DCC: variants seen among roughly 807,000 people sequenced by gnomAD.
DCC encodes the protein DCC netrin 1 receptor, also known as netrin receptor DCC.
Under a neutral mutation model 172.5 loss-of-function variants are expected in DCC, and 58 were observed. The ratio of observed to expected loss-of-function variants is 0.34; its 90% confidence interval spans 0.27 to 0.42. The LOEUF (loss-of-function observed/expected upper bound fraction) is 0.42, where lower values mean the gene tolerates loss of function less well. Among genes scored for constraint, DCC ranks in the 10% least tolerant of loss-of-function variants. DCC has a pLI of 1.00. For missense variants in DCC, 1,740 were observed against 1,791.0 expected, an observed-to-expected ratio of 0.97 and a Z score of 0.51; for synonymous variants, 709 against 644.5, an observed-to-expected ratio of 1.10 and a Z score of -1.52.
At chr18:53,271,954 C>A (rs987925596) in intron 12 of DCC, among the ~76,000 whole-genome samples, 2 of 152,156 alleles carry the variant, frequency 1.3e-5, no homozygotes, top group Non-Finnish European at 2.9e-5. Flanking sequence ...TTTAAAGCTT[C>A]TTTTTAGGAA....
chr18:52,789,292 G>GT (rs542536336), intron 2 of DCC, among the ~76,000 whole-genome samples: 23 of 152,126 alleles, frequency 1.5e-4, no homozygotes, highest in Middle Eastern at 3.4e-3. Context: ...TGTCACCTCT[G>GT]TTTTTTTCCC....
At chr18:53,170,317 A>G (rs989740500) in intron 8 of DCC, among the ~76,000 whole-genome samples, 4 of 152,192 alleles carry the variant, frequency 2.6e-5, no homozygotes, top group Admixed American at 2.6e-4. Context: ...GCCCTTTAAA[A>G]ATGAATATTT....
intron 9 of DCC, among the ~76,000 whole-genome samples, chr18:53,182,968 T>C (rs1306681001): frequency 6.6e-6 from 1 of 152,164 alleles, no homozygotes; most frequent in African/African-American, 2.4e-5. Flanking sequence ...ATATTTCTTT[T>C]CTGACAAAAT....
chr18:52,370,457 G>T (rs1356530212), intron 1 of DCC, among the ~76,000 whole-genome samples: 1 of 152,120 alleles, frequency 6.6e-6, no homozygotes, highest in Non-Finnish European at 1.5e-5. Context: ...GCAAACTAAT[G>T]CAGGAACAGG....
intron 23 of DCC, among the ~76,000 whole-genome samples, chr18:53,456,944 G>T (rs1048751139): frequency 6.6e-6 from 1 of 152,192 alleles, no homozygotes; most frequent in Non-Finnish European, 1.5e-5. Flanking sequence ...TGTGGTAGAG[G>T]TTGGAGGGAC....
At chr18:52,504,270 G>T (rs2031141034) in intron 1 of DCC, among the ~76,000 whole-genome samples, 1 of 152,100 alleles carries the variant, frequency 6.6e-6, no homozygotes. Flanking sequence ...GTATTCTCTG[G>T]TTCTACTTTT....
chr18:52,581,373 A>T (rs1407781633), intron 1 of DCC, among the ~76,000 whole-genome samples: 1 of 152,142 alleles, frequency 6.6e-6, no homozygotes, highest in Non-Finnish European at 1.5e-5. Context: ...TATTGCTGGG[A>T]AGATTAGATA....
chr18:52,492,909 G>A (rs572223692), intron 1 of DCC, among the ~76,000 whole-genome samples: 16 of 151,982 alleles, frequency 1.1e-4, no homozygotes, highest in Non-Finnish European at 1.6e-4. Flanking sequence ...ATATGATAGC[G>A]GGCAGTCAGG....
intron 27 of DCC, among the ~76,000 whole-genome samples, chr18:53,510,985 A>C (rs1184207981): frequency 6.6e-6 from 1 of 152,232 alleles, no homozygotes; most frequent in Non-Finnish European, 1.5e-5. Flanking sequence ...CATATAATTT[A>C]AGCCTTACTT....
At chr18:52,919,370 CTTACTA>C (rs970436401) in intron 3 of DCC, among the ~76,000 whole-genome samples, 16 of 152,296 alleles carry the variant, frequency 1.1e-4, no homozygotes, top group African/African-American at 3.8e-4. Context: ...GTATGAACTA[CTTACTA>C]TTAATGAAAA....
chr18:53,144,406 C>A (rs1157583571), intron 7 of DCC, among the ~76,000 whole-genome samples: 1 of 152,142 alleles, frequency 6.6e-6, no homozygotes. Flanking sequence ...CACAGTTCCA[C>A]CTGGTTGGGG....
intron 12 of DCC, among the ~76,000 whole-genome samples, chr18:53,265,079 TC>T (rs1320486287): frequency 5.9e-5 from 9 of 152,284 alleles, no homozygotes; most frequent in Non-Finnish European, 8.8e-5. Flanking sequence ...GGAAAGTAGC[TC>T]CATCTCAGCT....
intron 2 of DCC, among the ~76,000 whole-genome samples, chr18:52,875,594 C>T (rs1160158455): frequency 1.3e-5 from 2 of 152,134 alleles, no homozygotes; most frequent in African/African-American, 4.8e-5. Context: ...ATAAAATATT[C>T]ATGCTGTTAT....
chr18:53,448,047 G>GTTTTTTTTTTTTTTTTTTTTTT (rs35238619), intron 22 of DCC, among the ~76,000 whole-genome samples: 1 of 113,754 alleles, frequency 8.8e-6, no homozygotes, highest in Non-Finnish European at 1.7e-5. Context: ...ATTTTGATGA[G>GTTTTTTTTTTTTTTTTTTTTTT]TTTTTTTTTT....
chr18:53,226,926 G>GTC (rs2056037925), intron 12 of DCC, among the ~76,000 whole-genome samples: 1 of 54,766 alleles, frequency 1.8e-5, no homozygotes, highest in African/African-American at 7.0e-5. Context: ...GTGTGTGTGT[G>GTC]TGTGTGTGTA....
intron 2 of DCC, among the ~76,000 whole-genome samples, chr18:52,795,929 G>A (rs544660844): frequency 6.6e-5 from 10 of 151,838 alleles, no homozygotes; most frequent in Non-Finnish European, 1.3e-4. Context: ...GTTCAATAAT[G>A]TTATTGAATC....
chr18:52,703,615 G>C (rs1036954615), intron 1 of DCC, among the ~76,000 whole-genome samples: 1 of 152,084 alleles, frequency 6.6e-6, no homozygotes, highest in Non-Finnish European at 1.5e-5. Context: ...ACGGAAATGG[G>C]TCTGTAAGCA....
At chr18:53,484,026 A>G (rs978317939) in intron 25 of DCC, among the ~76,000 whole-genome samples, 5 of 151,630 alleles carry the variant, frequency 3.3e-5, no homozygotes, top group African/African-American at 1.2e-4. Context: ...GTGTGTGTGT[A>G]TATATATATG....
At chr18:52,407,871 G>T (rs910754821) in intron 1 of DCC, among the ~76,000 whole-genome samples, 2 of 152,012 alleles carry the variant, frequency 1.3e-5, no homozygotes, top group Admixed American at 1.3e-4. Context: ...TTCTGTGGAG[G>T]CCATATATGG....
Sources: gnomAD v4.1 joint callset for allele counts (sites outside exome capture counted in the v4.1 genomes callset) on GRCh38, gnomAD v4.1.1 for gene constraint, MANE v1.5 for transcripts, NCBI Gene and HGNC (gene_info 2026-07-23, HGNC 2026-07-21) for gene names.